The following ZBTB16 variants were observed in gnomAD, a reference collection of about 807,000 sequenced individuals.
ZBTB16 encodes the protein zinc finger and BTB domain-containing protein 16.
A neutral mutation model predicts 56.8 loss-of-function variants in ZBTB16; 8 were observed. The observed-to-expected ratio is 0.14, with a 90% CI of 0.08 to 0.25. The LOEUF is 0.25. Ranked by LOEUF, ZBTB16 falls within the 10% of genes least tolerant of loss-of-function variation. The pLI, the probability that ZBTB16 is intolerant of heterozygous loss-of-function variation, is 1.00. For synonymous variants in ZBTB16, 363 were observed against 368.5 expected (o/e 0.98, Z 0.17); for missense variants, 625 against 903.0 (o/e 0.69, Z 3.95).
At chr11:114,171,310 T>C (rs544912017) in intron 3 of ZBTB16, among the ~76,000 whole-genome samples, 18 of 152,370 alleles carry the variant, frequency 1.2e-4, no homozygotes, top group African/African-American at 3.8e-4. Context: ...TTCTAGCCCA[T>C]AGGATTCTTG....
rs1691772006 is a variant in ZBTB16 at position 114,099,553 on chromosome 11, G to T, written c.1268+34985G>T. Reference sequence around the variant, plus strand: ...CTCCAGTGTGGTTTTAGTTTAACCAGTGGATGATACTGTAGTCTCAAGGCT... The same window carrying T: ...CTCCAGTGTGGTTTTAGTTTAACCATTGGATGATACTGTAGTCTCAAGGCT... On this transcript the variant is annotated intron_variant, in intron 2 of 6. Transcript: ENST00000335953. Among the ~76,000 whole-genome samples the T allele has an allele frequency of 2.0e-5, 3 of 152,246 alleles. No homozygotes were observed. The South Asian group carries it at 6.2e-4, about 32-fold the overall frequency.
At chr11:114,136,157 T>C (rs1281177658) in intron 2 of ZBTB16, among the ~76,000 whole-genome samples, 2 of 152,200 alleles carry the variant, frequency 1.3e-5, no homozygotes, top group African/African-American at 4.8e-5. Flanking sequence ...TTTGCTGGAG[T>C]CCTTCTTGTA....
intron 2 of ZBTB16, among the ~76,000 whole-genome samples, chr11:114,155,049 G>A (rs180784161): frequency 6.6e-6 from 1 of 152,322 alleles, no homozygotes; most frequent in East Asian, 1.9e-4. Flanking sequence ...GCTTGAGTGT[G>A]TAATACTCCC....
intron 4 of ZBTB16, among the ~76,000 whole-genome samples, chr11:114,238,639 C>T (rs1944644137): frequency 6.6e-6 from 1 of 152,134 alleles, no homozygotes; most frequent in African/African-American, 2.4e-5. Flanking sequence ...GGGACCCAGA[C>T]ATTAGGATCA....
chr11:114,090,186 C>G (rs996938525), intron 2 of ZBTB16, among the ~76,000 whole-genome samples: 12 of 152,224 alleles, frequency 7.9e-5, no homozygotes, highest in African/African-American at 2.9e-4. Context: ...CCCTGCTATT[C>G]TGTTCCCTGC....
intron 2 of ZBTB16, among the ~76,000 whole-genome samples, chr11:114,068,238 T>TG (rs1318618408): frequency 6.6e-6 from 1 of 151,896 alleles, no homozygotes; most frequent in African/African-American, 2.4e-5. Flanking sequence ...CATTTCTTCT[T>TG]GGGGTGGGGG....
chr11:114,190,587 T>C (rs182877659), intron 4 of ZBTB16, among the ~76,000 whole-genome samples: 125 of 152,314 alleles, frequency 8.2e-4, no homozygotes, highest in African/African-American at 3.0e-3. Context: ...AGTTGAACTG[T>C]ACACTTTAAA....
chr11:114,069,270 A>G (rs544550847), intron 2 of ZBTB16, among the ~76,000 whole-genome samples: 1 of 152,010 alleles, frequency 6.6e-6, no homozygotes, highest in Non-Finnish European at 1.5e-5. Context: ...TATTTTTAGT[A>G]GAGACAGGGT....
chr11:114,215,346 T>G (rs765239465), intron 4 of ZBTB16, among the ~76,000 whole-genome samples: 2 of 152,126 alleles, frequency 1.3e-5, no homozygotes, highest in Non-Finnish European at 2.9e-5. Flanking sequence ...CTCTTCTCAT[T>G]GAGGATCAGG....
At chr11:114,198,390 GTT>G (rs1006644240) in intron 4 of ZBTB16, among the ~76,000 whole-genome samples, 2 of 68,200 alleles carry the variant, frequency 2.9e-5, no homozygotes, top group Non-Finnish European at 5.5e-5. Flanking sequence ...CTAATATAGA[GTT>G]TTATTTTCCA....
intron 4 of ZBTB16, among the ~76,000 whole-genome samples, chr11:114,223,386 G>C (rs113663868): frequency 6.6e-5 from 10 of 152,300 alleles, no homozygotes; most frequent in Admixed American, 2.0e-4. Context: ...ATTGGGGATG[G>C]TGAGTGGGTG....
chr11:114,233,905 C>G (rs1351733800), intron 4 of ZBTB16, among the ~76,000 whole-genome samples: 1 of 152,226 alleles, frequency 6.6e-6, no homozygotes, highest in Non-Finnish European at 1.5e-5. Context: ...GCTCTGCTAG[C>G]TGCTGCTGCC....
At chr11:114,227,780 A>G (rs759987636) in intron 4 of ZBTB16, among the ~76,000 whole-genome samples, 1 of 152,234 alleles carries the variant, frequency 6.6e-6, no homozygotes, top group African/African-American at 2.4e-5. Context: ...ACCAGTTTGG[A>G]CTAGATACTT....
chr11:114,218,839 A>T (rs1047622161), intron 4 of ZBTB16, among the ~76,000 whole-genome samples: 7 of 152,234 alleles, frequency 4.6e-5, no homozygotes, highest in Non-Finnish European at 1.0e-4. Flanking sequence ...AAATTCAATG[A>T]TAAGAATTTA....
rs181725972 is a variant in ZBTB16, at chr11:114,136,036, G to T, written c.1269-20301G>T. Among the ~76,000 whole-genome samples the T allele has an allele frequency of 6.8e-3, 1,031 of 152,174 alleles. 9 individuals are homozygous for T. The highest frequency in any genetic ancestry group is 9.7e-3 in the Non-Finnish European group (661 of 68,006). On this transcript the variant is annotated intron_variant, in intron 2 of 6. Coordinates refer to ENST00000335953, the MANE Select transcript of ZBTB16 (RefSeq NM_006006.6). Reference sequence around the variant, plus strand: ...TTCCCTTTGCGGTGTGGAATCTCGTGGCAAGGGCTCTGAGTAAAGGAGGAG... The same window carrying T: ...TTCCCTTTGCGGTGTGGAATCTCGTTGCAAGGGCTCTGAGTAAAGGAGGAG...
rs35784831 is a variant in ZBTB16, at chr11:114,063,972, C to G, written c.672C>G (p.Pro224=). 5,959 of 1,613,540 alleles carry G rather than the reference C, an allele frequency of 3.7e-3. 20 individuals are homozygous for G. Among genetic ancestry groups the G allele is most frequent in the Non-Finnish European group, 3.8e-3 (4,486 of 1,179,846 alleles). The change falls in exon 2 of 7, where the codon CCC becomes CCG. Residue 224 remains proline, a synonymous_variant. Transcript: ENST00000335953. The surrounding 1 kb of genome is among the most constrained non-coding windows in gnomAD (Gnocchi z 6.5). ...LQGTLQPPAG[P]EEPTLAGGGR... ...GAACTCTTCAGCCACCTGCAGGGCC[C>G]GAGGAGCCAACTCTGGCTGGGGGTG...
intron 3 of ZBTB16, among the ~76,000 whole-genome samples, chr11:114,185,870 T>G (rs574693741): frequency 2.6e-5 from 4 of 152,268 alleles, no homozygotes; most frequent in Non-Finnish European, 5.9e-5. Flanking sequence ...ACTTTAAGCC[T>G]TCTAAATAAC....
Position 114,247,346 on chromosome 11 carries a change from G to C in ZBTB16, c.1773G>C (p.Thr591=). Residue 591 remains threonine, a synonymous_variant, in exon 6 of 7, where the codon ACG becomes ACC. Transcript: ENST00000335953. ...TCAGCCTCAAGCATCAGCTGGAGACGCACTATAGGGTGCACACAGGTACCG... is the reference window on the plus strand; with the variant it reads ...TCAGCCTCAAGCATCAGCTGGAGACCCACTATAGGGTGCACACAGGTACCG... ...KKFSLKHQLE[T]HYRVHTGEKP... 2 of 1,614,260 alleles carry C rather than the reference G, an allele frequency of 1.2e-6. No homozygotes were observed. Among genetic ancestry groups the C allele is most frequent in the Non-Finnish European group, 1.7e-6 (2 of 1,180,046 alleles).
intron 2 of ZBTB16, among the ~76,000 whole-genome samples, chr11:114,149,545 T>G (rs1247818937): frequency 6.6e-6 from 1 of 152,252 alleles, no homozygotes; most frequent in Admixed American, 6.5e-5. Flanking sequence ...TTGAAATCCT[T>G]GGCTTTTATT....
Sources: allele counts gnomAD v4.1 joint callset (sites outside exome capture counted in the v4.1 genomes callset), GRCh38; gene constraint gnomAD v4.1.1; non-coding constraint Gnocchi (gnomAD v3.1); transcripts MANE v1.5; gene names NCBI Gene and HGNC (gene_info 2026-07-23, HGNC 2026-07-21).